Variants in STRIP1 observed in about 807,000 individuals in gnomAD.
The protein encoded by STRIP1 is striatin-interacting protein 1.
A neutral mutation model predicts 106.2 loss-of-function variants in STRIP1; 63 were observed. That is an observed-to-expected ratio of 0.59 (90% CI 0.48 to 0.73). The LOEUF is 0.73. Among genes scored for constraint, STRIP1 ranks in the 30% least tolerant of loss-of-function variants. STRIP1 has a pLI of 0.00. For synonymous variants in STRIP1, 390 were observed against 413.0 expected, an observed-to-expected ratio of 0.94 and a Z score of 0.67; for missense variants, 857 against 1,074.8, an observed-to-expected ratio of 0.80 and a Z score of 2.83.
intron 20 of STRIP1, among the ~76,000 whole-genome samples, 196 bp from the exon 21 acceptor site, chr1:110,053,455 TACAGTATAAGCCTC>T (rs1653394483): frequency 6.6e-6 from 1 of 152,162 alleles, no homozygotes; most frequent in Non-Finnish European, 1.5e-5. Context: ...ACATAATCCC[TACAGTATAAGCCTC>T]TTTCTCAGTA....
chr1:110,036,477 A>C (rs1652461821), intron 1 of STRIP1, among the ~76,000 whole-genome samples: 1 of 152,172 alleles, frequency 6.6e-6, no homozygotes, highest in South Asian at 2.1e-4. Flanking sequence ...AAATTTCCTC[A>C]TAGACTCATT....
At chr1:110,049,352 T>C (rs924722554) in intron 16 of STRIP1, 108 bp from the exon 17 acceptor site, 2 of 1,570,438 alleles carry the variant, frequency 1.3e-6, no homozygotes, top group East Asian at 4.5e-5. Flanking sequence ...TCTGCATGAA[T>C]GTTCTAAGAC....
In STRIP1 at chr1:110,041,784, G is replaced by C; in HGVS notation, c.808G>C (p.Val270Leu). ...ATTTGCCATCATGCTGTTTGGGATG[G>C]TGACCAAATTTTGCAGTGGTCACGC... ...EPFAIMLFGM[V>L]TKFCSGHAPH... The change falls in exon 8 of 21, where the codon GTG (valine) becomes CTG (leucine). Residue 270 changes from valine (V) to leucine (L), a missense_variant. Around this residue, in one of 2 missense-constraint regions of STRIP1, gnomAD observed 750 missense variants for 989.8 expected, o/e 0.76. Coordinates refer to ENST00000369795, the MANE Select transcript of STRIP1 (RefSeq NM_033088.4). 3.1e-6 allele frequency: 5 copies of C among 1,614,138 alleles called. No individual in the cohort carries two copies. The highest frequency in any genetic ancestry group is 4.2e-6 in the Non-Finnish European group (5 of 1,180,020).
chr1:110,052,720 TC>T (rs1653357506), intron 20 of STRIP1, among the ~76,000 whole-genome samples: 1 of 152,162 alleles, frequency 6.6e-6, no homozygotes, highest in Middle Eastern at 3.2e-3. Context: ...TGCACCCACC[TC>T]GGCCTCCCAA....
chr1:110,054,076 C>G lies in STRIP1; in HGVS notation c.*164C>G. 1.3e-6 allele frequency: 1 copy of G among 777,282 alleles called. No individual in the cohort carries two copies. The highest frequency in any genetic ancestry group is 2.0e-6 in the Non-Finnish European group (1 of 489,950). The allele number at this position is 777,282 out of a possible 1,614,324, so 48.1% of individuals were successfully genotyped here. On this transcript the variant is annotated 3_prime_UTR_variant, in exon 21 of 21. Transcript: ENST00000369795. ...TGGGCTTGGGTGAGCCCAGCTTGAC[C>G]TCCCCTTGGTTCCCAGGGTCCTGCT...
chr1:110,051,902 T>C lies in STRIP1; in HGVS notation c.2266+15T>C. 2 of 1,610,918 alleles carry C rather than the reference T, an allele frequency of 1.2e-6. No homozygotes were observed. The highest frequency in any genetic ancestry group is 1.7e-6 in the Non-Finnish European group (2 of 1,179,120). On this transcript the variant is annotated intron_variant, in intron 20 of 20. Coordinates refer to ENST00000369795, the MANE Select transcript of STRIP1 (RefSeq NM_033088.4). Reference sequence around the variant, plus strand: ...ATACGGCAATGGTGAGACTCTGCACTCAGCCAGATTTGGGTGGGAGTGTGT... The same window carrying C: ...ATACGGCAATGGTGAGACTCTGCACCCAGCCAGATTTGGGTGGGAGTGTGT...
chr1:110,047,121 C>A (rs974897427), intron 13 of STRIP1, among the ~76,000 whole-genome samples: 2 of 152,150 alleles, frequency 1.3e-5, no homozygotes, highest in Non-Finnish European at 2.9e-5. Flanking sequence ...TGGGATTAGA[C>A]CACAAGGTTG....
intron 20 of STRIP1, among the ~76,000 whole-genome samples, chr1:110,053,411 T>C (rs1653392798): frequency 6.6e-6 from 1 of 152,194 alleles, no homozygotes; most frequent in Non-Finnish European, 1.5e-5. Flanking sequence ...TTGAGAGAAA[T>C]GTGTTGTACA....
chr1:110,044,488 CAGT>C lies in STRIP1; in HGVS notation c.1287-349_1287-347del, dbSNP rs941531944. On this transcript the variant is annotated intron_variant, in intron 10 of 20. Transcript: ENST00000369795. ...AGGAAAAGTGAGCTATATGAAAAATCAGTAGCCTATAGCTTTAATTGTTTAAAA... is the reference window on the plus strand; with the variant it reads ...AGGAAAAGTGAGCTATATGAAAAATCAGCCTATAGCTTTAATTGTTTAAAA... Among the ~76,000 whole-genome samples the C allele has an allele frequency of 4.6e-5, 7 of 152,226 alleles. No individual in the cohort carries two copies. In the East Asian group the frequency reaches 5.8e-4, roughly 13 times the overall value.
At chr1:110,051,410 T>C (rs1241208877) in intron 19 of STRIP1, among the ~76,000 whole-genome samples, 1 of 152,228 alleles carries the variant, frequency 6.6e-6, no homozygotes, top group Non-Finnish European at 1.5e-5. Flanking sequence ...TGTGTGTACA[T>C]GTACACCGGA....
Position 110,034,633 on chromosome 1 carries a change from C to T in STRIP1, c.-5C>T. 1 of 1,520,446 alleles carries T rather than the reference C, an allele frequency of 6.6e-7. No individual in the cohort carries two copies. The highest frequency in any genetic ancestry group is 2.1e-5 in the Admixed American group (1 of 46,840). 94.2% of individuals were successfully genotyped at this position (1,520,446 alleles called of 1,614,324 possible). A position where few individuals can be genotyped will look rare whatever the true frequency, so the allele number is the denominator to read the frequency against. ...GAGTTAAGCTGGGGGTGTGGAGCAG[C>T]CAAGATGGAGCCGGCAGTCGGCGGT... On this transcript the variant is annotated 5_prime_UTR_variant, in exon 1 of 21. Coordinates refer to ENST00000369795, the MANE Select transcript of STRIP1 (RefSeq NM_033088.4).
At chr1:110,049,432 T>C (rs1398593641) in intron 16 of STRIP1, 28 bp from the exon 17 acceptor site, 3 of 1,530,428 alleles carry the variant, frequency 2.0e-6, no homozygotes, top group Non-Finnish European at 1.8e-6. Flanking sequence ...GCGCCTTTTT[T>C]TTTTTTTTTT....
intron 8 of STRIP1, 110 bp downstream of exon 8, chr1:110,041,971 G>GT: frequency 7.8e-7 from 1 of 1,282,796 alleles, no homozygotes; most frequent in Admixed American, 2.3e-5. Flanking sequence ...AACTGCTTTG[G>GT]TAAAAAAAAT....
intron 20 of STRIP1, 37 bp from the exon 21 acceptor site, chr1:110,053,628 A>T (rs1201154786): frequency 6.2e-7 from 1 of 1,609,178 alleles, no homozygotes; most frequent in Non-Finnish European, 8.5e-7. Context: ...GCTACAGGGC[A>T]TGGCTCCTAA....
In STRIP1 at chr1:110,043,099, C is replaced by T. The variant is rs757636942; in HGVS notation, c.897C>T (p.Gly299=). The T allele has an allele frequency of 2.6e-5, 42 of 1,612,196 alleles. No individual in the cohort carries two copies. The highest frequency in any genetic ancestry group is 1.7e-4 in the Middle Eastern group (1 of 6,060). The change falls in exon 9 of 21, where the codon GGC becomes GGT. Residue 299 remains glycine, a synonymous_variant. Coordinates refer to ENST00000369795, the MANE Select transcript of STRIP1 (RefSeq NM_033088.4). ...TGTCTGTGATGCAGTGCACGCTAGG[C>T]GGCTTTGAGGAGCTGCAGAGCATGA... ...LLWKTVLCTL[G]GFEELQSMKA...
upstream of STRIP1, among the ~76,000 whole-genome samples, chr1:110,032,728 C>A (rs554953108): frequency 2.6e-4 from 39 of 152,142 alleles, no homozygotes; most frequent in Non-Finnish European, 5.1e-4. Flanking sequence ...TCCTGTCCCC[C>A]TACCTACACA....
rs185140883 is a variant in STRIP1 at position 110,053,500 on chromosome 1, A to T, written c.2267-165A>T. On this transcript the variant is annotated intron_variant, in intron 20 of 20. Transcript: ENST00000369795. ...CAGTACCTCTGGCTTTTCTGCTTGT[A>T]CTTGACTCTCCTTTGGATCTAGGAA... is the stretch of plus-strand genomic sequence containing the variant. 2.9e-3 allele frequency among the ~76,000 whole-genome samples: 434 copies of T among 152,160 alleles called. 1 individual carries two copies. Among genetic ancestry groups the T allele is most frequent in the Non-Finnish European group, 3.8e-3 (260 of 68,006 alleles).
intron 15 of STRIP1, chr1:110,048,168 G>T: frequency 2.8e-6 from 1 of 355,068 alleles, no homozygotes; most frequent in Non-Finnish European, 5.3e-6. Context: ...TTTCCCCAAA[G>T]CCCCACTCTC....
At chr1:110,043,461 T>C (rs116351514) in intron 9 of STRIP1, among the ~76,000 whole-genome samples, 178 bp from the exon 10 acceptor site, 2,828 of 152,256 alleles carry the variant, frequency 0.019, 75 homozygotes, top group African/African-American at 0.051. Context: ...ACGTGGTGCT[T>C]TTGAGGGACT....
Sources: allele counts gnomAD v4.1 joint callset (sites outside exome capture counted in the v4.1 genomes callset), GRCh38; gene constraint gnomAD v4.1.1; regional missense constraint gnomAD v4.1.1; transcripts MANE v1.5; gene names NCBI Gene and HGNC (gene_info 2026-07-23, HGNC 2026-07-21).